The following EIF4ENIF1 variants were observed in gnomAD, a reference collection of about 807,000 sequenced individuals.
The protein encoded by EIF4ENIF1 is eukaryotic translation initiation factor 4E nuclear import factor 1.
EIF4ENIF1 carries 23 observed loss-of-function variants against 110.5 expected under a neutral mutation model. The ratio of observed to expected loss-of-function variants is 0.21; its 90% CI spans 0.15 to 0.29. The LOEUF (loss-of-function observed/expected upper bound fraction) is 0.29, where lower values mean the gene tolerates loss of function less well. Among genes scored for constraint, EIF4ENIF1 ranks in the 10% least tolerant of loss-of-function variants. The pLI, the probability that EIF4ENIF1 is intolerant of heterozygous loss-of-function variation, is 1.00. For missense variants in EIF4ENIF1, 1,031 were observed against 1,221.1 expected (o/e 0.84, Z 2.32); for synonymous variants, 440 against 437.0 (o/e 1.01, Z -0.09).
Position 31,488,788 on chromosome 22 carries a change from G to A in EIF4ENIF1, c.-27-43C>T, listed in dbSNP as rs866893380. The A allele has an allele frequency of 1.4e-5, 22 of 1,550,260 alleles. No homozygotes were observed. The African/African-American group carries it at 1.7e-4, about 12-fold the overall frequency. On this transcript the variant is annotated intron_variant, in intron 1 of 18. Coordinates refer to ENST00000330125, the MANE Select transcript of EIF4ENIF1 (RefSeq NM_019843.4). ...ACAAAATTGTCACCGAGAACAGTAA[G>A]TTTTCAGAAATCTTGGCTGTTTCTT... is the stretch of plus-strand genomic sequence containing the variant.
intron 2 of EIF4ENIF1, among the ~76,000 whole-genome samples, chr22:31,476,671 G>T (rs915710024): frequency 2.6e-5 from 4 of 152,032 alleles, no homozygotes; most frequent in Non-Finnish European, 5.9e-5. Flanking sequence ...AAGGCGGGTG[G>T]ATCACTTAAG....
chr22:31,449,021 A>T (rs2050565511), intron 12 of EIF4ENIF1, among the ~76,000 whole-genome samples: 1 of 151,964 alleles, frequency 6.6e-6, no homozygotes, highest in South Asian at 2.1e-4. Flanking sequence ...ATATTTATTT[A>T]TTTTTTTGAG....
intron 7 of EIF4ENIF1, among the ~76,000 whole-genome samples, chr22:31,456,644 A>T (rs1280631414): frequency 6.6e-6 from 1 of 152,128 alleles, no homozygotes; most frequent in Admixed American, 6.5e-5. Context: ...GCTCTCGAGT[A>T]GCTGGGACTA....
chr22:31,464,699 A>AAAAAATATATAT (rs1304121964), intron 4 of EIF4ENIF1, among the ~76,000 whole-genome samples: 3 of 39,134 alleles, frequency 7.7e-5, no homozygotes, highest in South Asian at 8.6e-4. Flanking sequence ...AAAAAAAAAA[A>AAAAAATATATAT]ATATATATAT....
At chr22:31,479,781 C>T (rs1018372636) in intron 2 of EIF4ENIF1, among the ~76,000 whole-genome samples, 2 of 148,394 alleles carry the variant, frequency 1.3e-5, no homozygotes, top group African/African-American at 5.0e-5. Flanking sequence ...ATGATCATAG[C>T]TCACTGCAGC....
chr22:31,463,153 A>G lies in EIF4ENIF1; in HGVS notation c.586-20T>C, dbSNP rs1364877435. The G allele has an allele frequency of 6.2e-7, 1 of 1,607,464 alleles. No individual in the cohort carries two copies. Among genetic ancestry groups the G allele is most frequent in the Non-Finnish European group, 8.5e-7 (1 of 1,177,800 alleles). On this transcript the variant is annotated intron_variant, in intron 5 of 18. Coordinates refer to ENST00000330125, the MANE Select transcript of EIF4ENIF1 (RefSeq NM_019843.4). ...CTCTCTCTGGAAAAGTACATAAAGC[A>G]AGATTAAAAAATTTCTAGTCAAGCC...
At chr22:31,463,243 T>C (rs1168871597) in intron 5 of EIF4ENIF1, 110 bp from the exon 6 acceptor site, 3 of 1,056,338 alleles carry the variant, frequency 2.8e-6, no homozygotes, top group Non-Finnish European at 4.1e-6. Flanking sequence ...TGATGCTGTA[T>C]ACCTGAGGCC....
intron 10 of EIF4ENIF1, chr22:31,453,379 T>A: frequency 9.6e-6 from 3 of 311,752 alleles, no homozygotes; most frequent in South Asian, 7.8e-5. Context: ...CATCTTACTT[T>A]TTTTTTTTTT....
chr22:31,453,499 C>T, intron 10 of EIF4ENIF1: 1 of 219,770 alleles, frequency 4.6e-6, no homozygotes. Flanking sequence ...CTTGGCCTCC[C>T]AAGTAGCTGA....
chr22:31,464,726 A>ATATATATATATATATATATATATATATT (rs796108181), intron 4 of EIF4ENIF1, among the ~76,000 whole-genome samples: 27 of 57,196 alleles, frequency 4.7e-4, no homozygotes, highest in South Asian at 1.1e-3. Flanking sequence ...ATATATATAT[A>ATATATATATATATATATATATATATATT]AACAGATATA....
At chr22:31,482,740 G>A (rs549245831) in intron 2 of EIF4ENIF1, among the ~76,000 whole-genome samples, 6 of 150,804 alleles carry the variant, frequency 4.0e-5, no homozygotes, top group East Asian at 2.0e-4. Flanking sequence ...ACATGGATGT[G>A]AGGCCAGGCG....
chr22:31,493,086 T>A (rs2146138143), upstream of EIF4ENIF1, among the ~76,000 whole-genome samples: 1 of 151,340 alleles, frequency 6.6e-6, no homozygotes, highest in Non-Finnish European at 1.5e-5. Flanking sequence ...CAGGCTGGAG[T>A]GCAGTAGCGT....
intron 7 of EIF4ENIF1, among the ~76,000 whole-genome samples, chr22:31,457,168 C>G (rs991084468): frequency 1.1e-4 from 16 of 152,190 alleles, no homozygotes; most frequent in African/African-American, 3.4e-4. Flanking sequence ...TTCAACTGAT[C>G]TCTAATTTCT....
At chr22:31,450,783 CACATATACACATATACATACACAT>C in intron 10 of EIF4ENIF1, 1 of 225,932 alleles carries the variant, frequency 4.4e-6, no homozygotes, top group Non-Finnish European at 8.9e-6. Flanking sequence ...TATATACACA[CACATATACACATATACATACACAT>C]ACATATACAC....
chr22:31,447,462 G>C lies in EIF4ENIF1; in HGVS notation c.1952C>G (p.Pro651Arg). Residue 651 changes from proline to arginine, a missense_variant, in exon 14 of 19, where the codon CCA becomes CGA. Physicochemically the swap from Pro to Arg is moderately radical, Grantham distance 103 (BLOSUM62 -2). Coordinates refer to ENST00000330125, the MANE Select transcript of EIF4ENIF1 (RefSeq NM_019843.4). Reference sequence around the variant, plus strand: ...TCCATCTCTGGTTCTGTCCACCTGTGGTTTGCCAAAACCAGGCTGGTAGAA... The same window carrying C: ...TCCATCTCTGGTTCTGTCCACCTGTCGTTTGCCAAAACCAGGCTGGTAGAA... ...ANFYQPGFGKPQVDRTRDGFR... is the reference protein window; with the variant it reads ...ANFYQPGFGKRQVDRTRDGFR... The C allele has an allele frequency of 6.2e-7, 1 of 1,613,392 alleles. No individual in the cohort carries two copies. The highest frequency in any genetic ancestry group is 8.5e-7 in the Non-Finnish European group (1 of 1,179,860).
chr22:31,491,127 T>G (rs1223471301), upstream of EIF4ENIF1, among the ~76,000 whole-genome samples: 1 of 152,196 alleles, frequency 6.6e-6, no homozygotes, highest in African/African-American at 2.4e-5. Context: ...GTTAGTCTAT[T>G]GATTCTTAGT....
intron 11 of EIF4ENIF1, 132 bp downstream of exon 11, chr22:31,450,157 A>C: frequency 2.8e-6 from 2 of 715,168 alleles, no homozygotes; most frequent in Non-Finnish European, 4.9e-6. Flanking sequence ...TATGTCAGGC[A>C]ACAATATCAC....
At chr22:31,452,361 C>G (rs748817985) in intron 10 of EIF4ENIF1, among the ~76,000 whole-genome samples, 24 of 152,232 alleles carry the variant, frequency 1.6e-4, no homozygotes, top group Non-Finnish European at 3.4e-4. Context: ...CTGAGTTTGT[C>G]TTAGCCTTTG....
chr22:31,474,064 CTT>C (rs71878640), intron 2 of EIF4ENIF1, among the ~76,000 whole-genome samples: 8 of 145,466 alleles, frequency 5.5e-5, no homozygotes, highest in Non-Finnish European at 4.5e-5. Context: ...AGTTTTTCCT[CTT>C]TTTTTTTTTT....
Sources: gnomAD v4.1 joint callset for allele counts (sites outside exome capture counted in the v4.1 genomes callset) on GRCh38, gnomAD v4.1.1 for gene constraint, MANE v1.5 for transcripts, NCBI Gene and HGNC (gene_info 2026-07-23, HGNC 2026-07-21) for gene names.